Variants in ATP1A1 observed in about 807,000 individuals in gnomAD.
ATP1A1 encodes the protein ATPase Na+/K+ transporting subunit alpha 1.
In ATP1A1, 14 loss-of-function variants were observed where a neutral mutation model predicts 114.8. The ratio of observed to expected loss-of-function variants is 0.12; its 90% confidence interval spans 0.08 to 0.19. The LOEUF (loss-of-function observed/expected upper bound fraction) is 0.19. Ranked by LOEUF, ATP1A1 falls within the 10% of genes least tolerant of loss-of-function variation. The probability of loss-of-function intolerance (pLI) is 1.00; values close to 1 mark genes in which losing one functional copy is unlikely to be tolerated. For synonymous variants in ATP1A1, 471 were observed against 466.3 expected (o/e 1.01, Z -0.13); for missense variants, 524 against 1,290.7 (o/e 0.41, Z 9.10).
rs1652601806 is a variant in ATP1A1 at position 116,393,064 on chromosome 1, G to A, written c.1467+76G>A. On this transcript the variant is annotated intron_variant, in intron 11 of 22. Transcript: ENST00000295598. This position sits in a 1 kb window ranked among gnomAD's most constrained non-coding sequence, Gnocchi z 5.0. ...GAGGGGAGGTACATGAGCAGGAAGAGGAAATATTCTCCCTTTGGAGTTTTA... is the reference window on the plus strand; with the variant it reads ...GAGGGGAGGTACATGAGCAGGAAGAAGAAATATTCTCCCTTTGGAGTTTTA... The A allele has an allele frequency of 2.4e-5, 38 of 1,562,254 alleles. No homozygotes were observed. Among genetic ancestry groups the A allele is most frequent in the Non-Finnish European group, 3.3e-5 (38 of 1,152,836 alleles).
chr1:116,401,508 C>G lies in ATP1A1; in HGVS notation c.2850-46C>G, dbSNP rs368471684. ...TAATGCATAGCATTAGAAGATAAAC[C>G]TTTATTTGCACCTTTTAAGTTTTTT... On this transcript the variant is annotated intron_variant, in intron 20 of 22. Transcript: ENST00000295598. This position sits in a 1 kb window ranked among gnomAD's most constrained non-coding sequence, Gnocchi z 4.7. The G allele has an allele frequency of 1.3e-6, 2 of 1,586,914 alleles. No individual in the cohort carries two copies. Among genetic ancestry groups the G allele is most frequent in the African/African-American group, 2.7e-5 (2 of 74,130 alleles).
At position 116,389,975 on chromosome 1, in the gene ATP1A1, G is replaced by A. The variant is rs1428493994; in HGVS notation, c.1024-238G>A. 6.0e-6 allele frequency: 4 copies of A among 664,346 alleles called. No homozygotes were observed. The highest frequency in any genetic ancestry group is 5.5e-5 in the African/African-American group (3 of 54,906). 41.2% of individuals were successfully genotyped at this position (664,346 alleles called of 1,614,324 possible). On this transcript the variant is annotated intron_variant, in intron 8 of 22. Coordinates refer to ENST00000295598, the MANE Select transcript of ATP1A1 (RefSeq NM_000701.8). This position sits in a 1 kb window ranked among gnomAD's most constrained non-coding sequence, Gnocchi z 6.9. ...CAGTGGAGAAAGGAGAAGAACTTGG[G>A]ATCAAGTAGGGGGATAGAATATGGT...
chr1:116,403,788 C>G, intron 21 of ATP1A1, 96 bp from the exon 22 acceptor site: 1 of 1,076,902 alleles, frequency 9.3e-7, no homozygotes, highest in South Asian at 1.5e-5. Flanking sequence ...TCCTTTCAGG[C>G]TGATTATTTC....
Position 116,399,729 on chromosome 1 carries a change from C to G in ATP1A1, c.2572+186C>G, listed in dbSNP as rs1653267129. On this transcript the variant is annotated intron_variant, in intron 18 of 22. Coordinates refer to ENST00000295598, the MANE Select transcript of ATP1A1 (RefSeq NM_000701.8). The surrounding 1 kb of genome is among the most constrained non-coding windows in gnomAD (Gnocchi z 5.0). ...CTTCCATGTGAGAATACATCTGTTG[C>G]TGTTTGCCCAGTTACCTTTTGTGGA... 6.6e-6 allele frequency among the ~76,000 whole-genome samples: 1 copy of G among 152,212 alleles called. No homozygotes were observed. Among genetic ancestry groups the G allele is most frequent in the Non-Finnish European group, 1.5e-5 (1 of 68,034 alleles).
In ATP1A1 at chr1:116,390,030, T is replaced by C; in HGVS notation, c.1024-183T>C. 4.3e-6 allele frequency: 3 copies of C among 699,002 alleles called. No homozygotes were observed. The South Asian group carries it at 5.8e-5, about 13-fold the overall frequency. The allele number at this position is 699,002 out of a possible 1,614,324, so 43.3% of individuals were successfully genotyped here. On this transcript the variant is annotated intron_variant, in intron 8 of 22. Coordinates refer to ENST00000295598, the MANE Select transcript of ATP1A1 (RefSeq NM_000701.8). ...TCCTGTTATTATTTTTCTTAATAGA[T>C]TGCTTTTCTGGAAGGAAGGGGAAGC...
At position 116,373,342 on chromosome 1, in the gene ATP1A1, C is replaced by T. The variant is rs1038760823; in HGVS notation, c.-170C>T. 4.0e-5 allele frequency: 23 copies of T among 576,680 alleles called. No individual in the cohort carries two copies. The highest frequency in any genetic ancestry group is 5.3e-5 in the Non-Finnish European group (20 of 377,152). The allele number at this position is 576,680 out of a possible 1,614,324, so 35.7% of individuals were successfully genotyped here. A position where few individuals can be genotyped will look rare whatever the true frequency, so the allele number is the denominator to read the frequency against. Reference sequence around the variant, plus strand: ...CGGGCGGCGGCAGCAACAGCGGCGGCGGCATCGGCCCGAGCCGCCGGCCGC... The same window carrying T: ...CGGGCGGCGGCAGCAACAGCGGCGGTGGCATCGGCCCGAGCCGCCGGCCGC... On this transcript the variant is annotated 5_prime_UTR_variant, in exon 1 of 23. Coordinates refer to ENST00000295598, the MANE Select transcript of ATP1A1 (RefSeq NM_000701.8).
In ATP1A1 at chr1:116,404,083, G is replaced by A; in HGVS notation, c.3043+108G>A. 1 of 1,073,264 alleles carries A rather than the reference G, an allele frequency of 9.3e-7. No homozygotes were observed. Among genetic ancestry groups the A allele is most frequent in the Non-Finnish European group, 1.4e-6 (1 of 728,220 alleles). 66.5% of individuals were successfully genotyped at this position (1,073,264 alleles called of 1,614,324 possible). ...TCTAGGCTCCCTCAGTGGTCAGTCT[G>A]ATTAGCTAAGGTGACTGGACCAGCA... On this transcript the variant is annotated intron_variant, in intron 22 of 22. Transcript: ENST00000295598. The surrounding 1 kb of genome is among the most constrained non-coding windows in gnomAD (Gnocchi z 4.8).
Position 116,373,299 on chromosome 1 carries a change from G to A in ATP1A1, c.-213G>A. 2 of 413,712 alleles carry A rather than the reference G, an allele frequency of 4.8e-6. No homozygotes were observed. The highest frequency in any genetic ancestry group is 8.4e-6 in the Non-Finnish European group (2 of 237,196). The allele number at this position is 413,712 out of a possible 1,614,324, so 25.6% of individuals were successfully genotyped here. A position where few individuals can be genotyped will look rare whatever the true frequency, so the allele number is the denominator to read the frequency against. On this transcript the variant is annotated 5_prime_UTR_variant, in exon 1 of 23. Transcript: ENST00000295598. ...AGCGGCGGGAGGAGGCGGACACGTG[G>A]CAACAGCGGTAGCAGCCCGGGCGGC...
chr1:116,398,727 A>G lies in ATP1A1; in HGVS notation c.2231A>G (p.Gln744Arg). 1 of 1,614,164 alleles carries G rather than the reference A, an allele frequency of 6.2e-7. No homozygotes were observed. The highest frequency in any genetic ancestry group is 8.5e-7 in the Non-Finnish European group (1 of 1,180,028). Residue 744 changes from glutamine (Q) to arginine (R), a missense_variant, in exon 16 of 23, where the codon CAA becomes CGA. Coordinates refer to ENST00000295598, the MANE Select transcript of ATP1A1 (RefSeq NM_000701.8). This position sits in a 1 kb window ranked among gnomAD's most constrained non-coding sequence, Gnocchi z 6.1. Reference protein sequence around the residue: ...MGIAGSDVSKQAADMILLDDN... With the variant: ...MGIAGSDVSKRAADMILLDDN... ...ATTGCTGGCTCAGATGTGTCCAAGC[A>G]AGCTGCTGACATGATTCTTCTGGAT... is the stretch of plus-strand genomic sequence containing the variant.
In ATP1A1 at chr1:116,398,048, C is replaced by T. The variant is rs775995585; in HGVS notation, c.2124+10C>T. ...AGGCTGCCAAAGACAGGTCAGCCAGCACAAGGATCAGGCTGCTTTGGGCAC... is the reference window on the plus strand; with the variant it reads ...AGGCTGCCAAAGACAGGTCAGCCAGTACAAGGATCAGGCTGCTTTGGGCAC... On this transcript the variant is annotated intron_variant, in intron 15 of 22. Coordinates refer to ENST00000295598, the MANE Select transcript of ATP1A1 (RefSeq NM_000701.8). This position sits in a 1 kb window ranked among gnomAD's most constrained non-coding sequence, Gnocchi z 6.1. 4 of 1,613,436 alleles carry T rather than the reference C, an allele frequency of 2.5e-6. No individual in the cohort carries two copies. Among genetic ancestry groups the T allele is most frequent in the Non-Finnish European group, 3.4e-6 (4 of 1,179,678 alleles).
Position 116,396,587 on chromosome 1 carries a change from G to C in ATP1A1, c.1837-11G>C. The stretch of plus-strand genomic sequence containing the variant: ...GCAGTTGCATTCAACACATTGTCTT[G>C]TTTATTACAGGTCATCATGGTCACA... On this transcript the variant is annotated splice_polypyrimidine_tract_variant and intron_variant, in intron 13 of 22. Coordinates refer to ENST00000295598, the MANE Select transcript of ATP1A1 (RefSeq NM_000701.8). 6.2e-7 allele frequency: 1 copy of C among 1,613,252 alleles called. No homozygotes were observed. The highest frequency in any genetic ancestry group is 8.5e-7 in the Non-Finnish European group (1 of 1,179,674).
chr1:116,399,201 C>G lies in ATP1A1; in HGVS notation c.2448+117C>G. On this transcript the variant is annotated intron_variant, in intron 17 of 22. Transcript: ENST00000295598. The surrounding 1 kb of genome is among the most constrained non-coding windows in gnomAD (Gnocchi z 5.0). ...GCGTTGGGAAAAGAAATTCTCAGGA[C>G]CAGTATCCAGTGTGTGTCCCAATCC... is the stretch of plus-strand genomic sequence containing the variant. 6.8e-7 allele frequency: 1 copy of G among 1,471,794 alleles called. No homozygotes were observed. The highest frequency in any genetic ancestry group is 9.3e-7 in the Non-Finnish European group (1 of 1,071,850). The allele number at this position is 1,471,794 out of a possible 1,614,324, so 91.2% of individuals were successfully genotyped here.
chr1:116,393,411 G>T lies in ATP1A1; in HGVS notation c.1468-120G>T. The T allele has an allele frequency of 8.8e-7, 1 of 1,141,882 alleles. No homozygotes were observed. The highest frequency in any genetic ancestry group is 1.2e-6 in the Non-Finnish European group (1 of 811,848). 70.7% of individuals were successfully genotyped at this position (1,141,882 alleles called of 1,614,324 possible). ...CAGGTGTAAGATACTTCAGAGTTCA[G>T]AAAGAAGGGATCTTGGGTCTTTTAT... On this transcript the variant is annotated intron_variant, in intron 11 of 22. Transcript: ENST00000295598. This position sits in a 1 kb window ranked among gnomAD's most constrained non-coding sequence, Gnocchi z 5.0.
rs930765949 is a variant in ATP1A1 at position 116,389,260 on chromosome 1, C to T, written c.755-179C>T. ...TGGCATGGGTGTTGGAGCTGCTGTC[C>T]TGCTACTGGAGAGAAGTCCCTTTGC... is the stretch of plus-strand genomic sequence containing the variant. On this transcript the variant is annotated intron_variant, in intron 7 of 22. Coordinates refer to ENST00000295598, the MANE Select transcript of ATP1A1 (RefSeq NM_000701.8). This position sits in a 1 kb window ranked among gnomAD's most constrained non-coding sequence, Gnocchi z 6.9. Among the ~76,000 whole-genome samples the T allele has an allele frequency of 6.6e-6, 1 of 152,098 alleles. No homozygotes were observed. The highest frequency in any genetic ancestry group is 2.4e-5 in the African/African-American group (1 of 41,416).
rs758090295 is a variant in ATP1A1, at chr1:116,403,964, G to A, written c.3032G>A (p.Arg1011Gln). 1.5e-5 allele frequency: 25 copies of A among 1,613,982 alleles called. No individual in the cohort carries two copies. The highest frequency in any genetic ancestry group is 5.0e-5 in the Admixed American group (3 of 60,000). ...GAAGTCAGAAAACTCATCATCAGGC[G>A]ACGCCCTGGCGGTAATTATGGGCAT... Reference protein sequence around the residue: ...YDEVRKLIIRRRPGGWVEKET... With the variant: ...YDEVRKLIIRQRPGGWVEKET... The change falls in exon 22 of 23, where the codon CGA (arginine) becomes CAA (glutamine). Residue 1011 changes from arginine (R) to glutamine (Q), a missense_variant. By Grantham distance (43) the Arg-to-Gln change is conservative. This residue lies in a region of ATP1A1 where 84 missense variants were observed against 209.3 expected (regional missense o/e 0.40). Transcript: ENST00000295598.
At chr1:116,400,829 G>C (rs187176054) in intron 18 of ATP1A1, 32 bp from the exon 19 acceptor site, 151 of 1,612,718 alleles carry the variant, frequency 9.4e-5, no homozygotes, top group Admixed American at 2.3e-4. Flanking sequence ...TGTGTGTGAG[G>C]TTCTAGTAAT....
chr1:116,381,849 A>C lies in ATP1A1; in HGVS notation c.13-2165A>C, dbSNP rs1651762797. On this transcript the variant is annotated intron_variant, in intron 1 of 22. Transcript: ENST00000295598. This position sits in a 1 kb window ranked among gnomAD's most constrained non-coding sequence, Gnocchi z 5.1. The stretch of plus-strand genomic sequence containing the variant: ...TTGAAATATATTTCAATGATATTCA[A>C]CTTGCTCAGAGAGAATCCGTGAGCT... 6.6e-6 allele frequency among the ~76,000 whole-genome samples: 1 copy of C among 152,206 alleles called. No homozygotes were observed.
chr1:116,395,095 C>T lies in ATP1A1; in HGVS notation c.1661-15C>T. ...GCGTCACTGAAATTTTCAAAGGCTCCTGTCCTCCTCGCAGGTTTCTGCCAC... is the reference window on the plus strand; with the variant it reads ...GCGTCACTGAAATTTTCAAAGGCTCTTGTCCTCCTCGCAGGTTTCTGCCAC... On this transcript the variant is annotated splice_polypyrimidine_tract_variant and intron_variant, in intron 12 of 22. Coordinates refer to ENST00000295598, the MANE Select transcript of ATP1A1 (RefSeq NM_000701.8). This position sits in a 1 kb window ranked among gnomAD's most constrained non-coding sequence, Gnocchi z 6.4. 6.2e-7 allele frequency: 1 copy of T among 1,612,268 alleles called. No homozygotes were observed. Among genetic ancestry groups the T allele is most frequent in the Non-Finnish European group, 8.5e-7 (1 of 1,178,960 alleles).
Position 116,388,145 on chromosome 1 carries a change from G to A in ATP1A1, c.402G>A (p.Val134=), listed in dbSNP as rs1054916039. The change falls in exon 5 of 23, where the codon GTG becomes GTA. Residue 134 remains valine (V), a synonymous_variant. Transcript: ENST00000295598. The surrounding 1 kb of genome is among the most constrained non-coding windows in gnomAD (Gnocchi z 5.6). ...TTCCCTTCCAGCTGTACCTGGGTGT[G>A]GTGCTATCAGCCGTTGTAATCATAA... ...EPQNDNLYLG[V]VLSAVVIITG... is the part of the protein sequence containing the mutation. 3 of 1,613,466 alleles carry A rather than the reference G, an allele frequency of 1.9e-6. No homozygotes were observed. The highest frequency in any genetic ancestry group is 1.7e-5 in the Admixed American group (1 of 59,994).
Sources: allele counts gnomAD v4.1 joint callset (sites outside exome capture counted in the v4.1 genomes callset), GRCh38; gene constraint gnomAD v4.1.1; regional missense constraint gnomAD v4.1.1; non-coding constraint Gnocchi (gnomAD v3.1); transcripts MANE v1.5; gene names NCBI Gene and HGNC (gene_info 2026-07-23, HGNC 2026-07-21).